KCNJ3: variants seen among roughly 807,000 people sequenced by gnomAD.
KCNJ3 encodes the protein G protein-activated inward rectifier potassium channel 1.
A neutral mutation model predicts 39.2 loss-of-function variants in KCNJ3; 4 were observed. The observed-to-expected ratio is 0.10, with a 90% CI of 0.05 to 0.23. The LOEUF is 0.23. Among genes scored for constraint, KCNJ3 ranks in the 10% least tolerant of loss-of-function variants. The pLI, the probability that KCNJ3 is intolerant of heterozygous loss-of-function variation, is 1.00. For synonymous variants in KCNJ3, 230 were observed against 237.4 expected (o/e 0.97, Z 0.29); for missense variants, 276 against 634.9 (o/e 0.43, Z 6.08).
rs534484478 is a variant in KCNJ3, at chr2:154,823,398, T to C, written c.920-31329T>C. On this transcript the variant is annotated intron_variant, in intron 2 of 2. Coordinates refer to ENST00000295101, the MANE Select transcript of KCNJ3 (RefSeq NM_002239.4). Reference sequence around the variant, plus strand: ...GAGAATTGCAGTACCGTAGAAACTTTCCACATTCTTTTTTTTTTTTTTTAC... The same window carrying C: ...GAGAATTGCAGTACCGTAGAAACTTCCCACATTCTTTTTTTTTTTTTTTAC... 4.6e-3 allele frequency among the ~76,000 whole-genome samples: 530 copies of C among 115,272 alleles called. 2 individuals carry two copies. The highest frequency in any genetic ancestry group is 8.9e-3 in the Middle Eastern group (2 of 224). The allele number at this position is 115,272 out of a possible 152,430, so 75.6% of individuals were successfully genotyped here. A position where few individuals can be genotyped will look rare whatever the true frequency, so the allele number is the denominator to read the frequency against.
chr2:154,840,735 T>C (rs1170534227), intron 2 of KCNJ3, among the ~76,000 whole-genome samples: 3 of 152,150 alleles, frequency 2.0e-5, no homozygotes, highest in Admixed American at 1.3e-4. Context: ...GCTTTGTTGG[T>C]CTGTTATTAG....
intron 2 of KCNJ3, among the ~76,000 whole-genome samples, chr2:154,735,269 T>A (rs1416241001): frequency 8.2e-6 from 1 of 122,488 alleles, no homozygotes; most frequent in Non-Finnish European, 1.8e-5. Context: ...TTTTTTTCTT[T>A]CTTTCTTTTT....
At chr2:154,732,872 T>C (rs1685468953) in intron 2 of KCNJ3, among the ~76,000 whole-genome samples, 1 of 152,286 alleles carries the variant, frequency 6.6e-6, no homozygotes, top group Non-Finnish European at 1.5e-5. Flanking sequence ...GGATGGAAAG[T>C]ACAAAAGCAC....
intron 2 of KCNJ3, among the ~76,000 whole-genome samples, chr2:154,718,710 G>T (rs16838033): frequency 6.6e-6 from 1 of 152,048 alleles, no homozygotes; most frequent in African/African-American, 2.4e-5. Context: ...TTGCACATAC[G>T]TTATTTTCTG....
chr2:154,769,265 A>C (rs946775279), intron 2 of KCNJ3, among the ~76,000 whole-genome samples: 6 of 152,164 alleles, frequency 3.9e-5, no homozygotes, highest in African/African-American at 1.4e-4. Context: ...GTCTTGTGCC[A>C]GTTGTCAAAG....
chr2:154,820,238 C>T (rs1031989234), intron 2 of KCNJ3, among the ~76,000 whole-genome samples: 11 of 152,134 alleles, frequency 7.2e-5, no homozygotes, highest in African/African-American at 2.2e-4. Flanking sequence ...CCCACTTTAT[C>T]TCCCAACGTT....
chr2:154,724,447 G>A (rs188599405), intron 2 of KCNJ3, among the ~76,000 whole-genome samples: 15 of 152,198 alleles, frequency 9.9e-5, no homozygotes, highest in Admixed American at 9.8e-4. Context: ...TTCAGGTAAA[G>A]AAAGGTATAG....
chr2:154,788,549 ATACT>A (rs1471476468), intron 2 of KCNJ3, among the ~76,000 whole-genome samples: 1 of 152,092 alleles, frequency 6.6e-6, no homozygotes, highest in African/African-American at 2.4e-5. Flanking sequence ...TATTCCTTTG[ATACT>A]TACTACTGTT....
chr2:154,732,402 T>A (rs942925874), intron 2 of KCNJ3, among the ~76,000 whole-genome samples: 1 of 152,094 alleles, frequency 6.6e-6, no homozygotes, highest in African/African-American at 2.4e-5. Flanking sequence ...GGTGTTTGGA[T>A]AAATGAAAGA....
intron 2 of KCNJ3, among the ~76,000 whole-genome samples, chr2:154,765,754 A>T (rs1686122918): frequency 1.3e-5 from 2 of 152,348 alleles, no homozygotes; most frequent in South Asian, 4.1e-4. Flanking sequence ...AAGAAAATAC[A>T]ATAACTTTAC....
At chr2:154,822,238 A>C (rs1294873312) in intron 2 of KCNJ3, among the ~76,000 whole-genome samples, 2 of 152,190 alleles carry the variant, frequency 1.3e-5, no homozygotes, top group Admixed American at 1.3e-4. Flanking sequence ...AGTCAAATGT[A>C]CATGATCATG....
chr2:154,847,588 T>TG (rs140599521), intron 2 of KCNJ3, among the ~76,000 whole-genome samples: 1 of 89,424 alleles, frequency 1.1e-5, no homozygotes, highest in Non-Finnish European at 2.6e-5. Flanking sequence ...ATTTTCAGGA[T>TG]TTTTTCTTCT....
chr2:154,802,395 T>C (rs1686834892), intron 2 of KCNJ3, among the ~76,000 whole-genome samples: 2 of 152,158 alleles, frequency 1.3e-5, no homozygotes, highest in African/African-American at 2.4e-5. Flanking sequence ...GTCCCTGCCA[T>C]GACTTGGTTG....
chr2:154,724,696 T>C (rs1428936237), intron 2 of KCNJ3, among the ~76,000 whole-genome samples: 1 of 151,838 alleles, frequency 6.6e-6, no homozygotes, highest in African/African-American at 2.4e-5. Context: ...TATAATGTCG[T>C]GTCAAATGGG....
chr2:154,841,111 G>A lies in KCNJ3; in HGVS notation c.920-13616G>A, dbSNP rs192973901. 3.5e-3 allele frequency among the ~76,000 whole-genome samples: 536 copies of A among 152,120 alleles called. 2 individuals are homozygous for A. The highest frequency in any genetic ancestry group is 6.8e-3 in the Middle Eastern group (2 of 294). The stretch of plus-strand genomic sequence containing the variant: ...TTATTATTTCAAGATACATTCCATC[G>A]ATACCTAGTTTATTGAGAGTTTTTA... On this transcript the variant is annotated intron_variant, in intron 2 of 2. Transcript: ENST00000295101.
At chr2:154,768,214 T>G (rs1307957279) in intron 2 of KCNJ3, among the ~76,000 whole-genome samples, 1 of 152,148 alleles carries the variant, frequency 6.6e-6, no homozygotes, top group East Asian at 1.9e-4. Context: ...GTCAATTTTG[T>G]CTTTTGTTGC....
At chr2:154,757,574 G>A (rs1486434639) in intron 2 of KCNJ3, among the ~76,000 whole-genome samples, 1 of 152,116 alleles carries the variant, frequency 6.6e-6, no homozygotes, top group African/African-American at 2.4e-5. Flanking sequence ...GGATGTAGAT[G>A]TAATACTTCA....
At chr2:154,765,041 A>C (rs534120331) in intron 2 of KCNJ3, among the ~76,000 whole-genome samples, 1 of 152,236 alleles carries the variant, frequency 6.6e-6, no homozygotes, top group South Asian at 2.1e-4. Context: ...GACATTTAGG[A>C]TCAGGTAGTT....
At chr2:154,723,464 C>CA (rs1284228284) in intron 2 of KCNJ3, among the ~76,000 whole-genome samples, 1 of 151,816 alleles carries the variant, frequency 6.6e-6, no homozygotes, top group Non-Finnish European at 1.5e-5. Context: ...CTTTATGAGG[C>CA]AAAAAACAAA....
Sources: allele counts gnomAD v4.1 joint callset (sites outside exome capture counted in the v4.1 genomes callset), GRCh38; gene constraint gnomAD v4.1.1; transcripts MANE v1.5; gene names NCBI Gene and HGNC (gene_info 2026-07-23, HGNC 2026-07-21).